CCDC181: variants seen among roughly 807,000 people sequenced by gnomAD.
The protein encoded by CCDC181 is coiled-coil domain containing 181.
In CCDC181, 35 loss-of-function variants were observed where a neutral mutation model predicts 58.7. The observed-to-expected ratio is 0.60, with a 90% confidence interval of 0.46 to 0.79. CCDC181 has a LOEUF of 0.79. Ranked by LOEUF, CCDC181 falls within the 30% of genes least tolerant of loss-of-function variation. The probability of loss-of-function intolerance (pLI) is 0.00; values close to 1 mark genes in which losing one functional copy is unlikely to be tolerated. For missense variants in CCDC181, 517 were observed against 583.9 expected (o/e 0.89, Z 1.18); for synonymous variants, 183 against 197.5 (o/e 0.93, Z 0.62).
At chr1:169,397,173 T>G in intron 5 of CCDC181, 64 bp downstream of exon 5, 8 of 1,397,356 alleles carry the variant, frequency 5.7e-6, no homozygotes, top group South Asian at 1.7e-5. Flanking sequence ...TCTTAATTGA[T>G]GATATAACTT....
Position 169,421,719 on chromosome 1 carries a change from AC to A in CCDC181, c.711del (p.Leu239CysfsTer91), listed in dbSNP as rs866481262. On this transcript the variant is annotated frameshift_variant, in exon 3 of 6. Coordinates refer to ENST00000367806, the MANE Select transcript of CCDC181 (RefSeq NM_001300969.2). LOFTEE classifies it high-confidence loss of function. Reference protein sequence around the residue: ...LLNLQDIASQGFLPPINNANS... With the variant: ...LLNLQDIASQXFLPPINNANS... ...TTTGCATTATTAATGGGAGGCAAAA[AC>A]CCCTGACTGGCAATGTCTTGTAAAT... is the stretch of plus-strand genomic sequence containing the variant. 6.2e-7 allele frequency: 1 copy of A among 1,613,656 alleles called. No individual in the cohort carries two copies. The highest frequency in any genetic ancestry group is 1.3e-5 in the African/African-American group (1 of 74,910).
At chr1:169,404,808 A>C (rs553385612) in intron 4 of CCDC181, among the ~76,000 whole-genome samples, 29 of 152,330 alleles carry the variant, frequency 1.9e-4, no homozygotes, top group Non-Finnish European at 2.9e-4. Flanking sequence ...AGTTCTGGAC[A>C]GGGCAATCAG....
intron 1 of CCDC181, among the ~76,000 whole-genome samples, chr1:169,425,574 G>C (rs1656678705): frequency 6.6e-6 from 1 of 152,080 alleles, no homozygotes; most frequent in Non-Finnish European, 1.5e-5. Flanking sequence ...ACACTTCAGA[G>C]TGAGTTTCAC....
At chr1:169,460,462 T>C (rs1197925653) in exon 1 of CCDC181, 2 of 152,276 alleles carry the variant, frequency 1.3e-5, no homozygotes, top group African/African-American at 2.4e-5. Context: ...CAGAATCACG[T>C]AGGGGCTGCA....
intron 1 of CCDC181, among the ~76,000 whole-genome samples, chr1:169,425,586 T>C (rs1255876096): frequency 6.6e-6 from 1 of 152,116 alleles, no homozygotes; most frequent in East Asian, 1.9e-4. Flanking sequence ...GAGTTTCACT[T>C]CCTAACTGCA....
chr1:169,415,740 C>T (rs945623216), intron 4 of CCDC181, among the ~76,000 whole-genome samples: 1 of 152,124 alleles, frequency 6.6e-6, no homozygotes, highest in African/African-American at 2.4e-5. Context: ...CTCTCCATGC[C>T]AGTCCCAAGG....
At chr1:169,435,072 T>C (rs577339606) in intron 2 of CCDC181, among the ~76,000 whole-genome samples, 1 of 152,206 alleles carries the variant, frequency 6.6e-6, no homozygotes, top group African/African-American at 2.4e-5. Context: ...TAATGTACAC[T>C]TAAAAATGGT....
intron 2 of CCDC181, among the ~76,000 whole-genome samples, chr1:169,449,051 C>G (rs1657460979): frequency 6.6e-6 from 1 of 152,286 alleles, no homozygotes; most frequent in African/African-American, 2.4e-5. Context: ...CATTCCCCTT[C>G]TGTTCATGCC....
At chr1:169,454,950 G>A (rs775426361) in intron 2 of CCDC181, among the ~76,000 whole-genome samples, 1 of 151,584 alleles carries the variant, frequency 6.6e-6, no homozygotes, top group Non-Finnish European at 1.5e-5. Flanking sequence ...CAACATAGAC[G>A]GCTACTTGTT....
At chr1:169,436,128 C>T (rs961403) in intron 2 of CCDC181, among the ~76,000 whole-genome samples, 81,292 of 151,910 alleles carry the variant, frequency 0.54, 22,591 homozygotes, top group Non-Finnish European at 0.6. Flanking sequence ...TCTCATAAAC[C>T]CAGGTCTCTG....
intron 4 of CCDC181, among the ~76,000 whole-genome samples, chr1:169,414,357 G>A (rs573427786): frequency 1.1e-4 from 17 of 152,230 alleles, no homozygotes; most frequent in African/African-American, 3.8e-4. Flanking sequence ...ATAGGCAAGG[G>A]CACAATGATA....
chr1:169,429,732 G>T (rs149834588), upstream of CCDC181, among the ~76,000 whole-genome samples: 2,239 of 152,198 alleles, frequency 0.015, 59 homozygotes, highest in African/African-American at 0.051. Flanking sequence ...AGTTTGTGAA[G>T]ATTTTCTCCC....
intron 2 of CCDC181, among the ~76,000 whole-genome samples, chr1:169,440,930 C>CAAAAAAAAAAA (rs1657206102): frequency 3.4e-5 from 1 of 29,534 alleles, no homozygotes. Flanking sequence ...GCAAGACTGT[C>CAAAAAAAAAAA]TAAAAAAAAA....
chr1:169,453,330 T>C (rs886542949), intron 2 of CCDC181, among the ~76,000 whole-genome samples: 14 of 152,132 alleles, frequency 9.2e-5, no homozygotes, highest in African/African-American at 3.4e-4. Context: ...GTATGGACAC[T>C]ACAACATAAC....
Position 169,397,303 on chromosome 1 carries a change from A to G in CCDC181, c.1304T>C (p.Leu435Pro). 2 of 1,611,584 alleles carry G rather than the reference A, an allele frequency of 1.2e-6. No homozygotes were observed. The highest frequency in any genetic ancestry group is 1.7e-6 in the Non-Finnish European group (2 of 1,178,914). The change falls in exon 5 of 6, where the codon CTA becomes CCA. Residue 435 changes from leucine (L) to proline (P), a missense_variant. By Grantham distance (98) the Leu-to-Pro change is moderately conservative. Coordinates refer to ENST00000367806, the MANE Select transcript of CCDC181 (RefSeq NM_001300969.2). ...EQMKERQTEE[L>P]RKQEECLFFL... ...GAATAAACATTCCTCTTGCTTTCTT[A>G]GTTCTTCTGTCTGTCTTTCTTTCAT...
chr1:169,404,620 C>G (rs1655547188), intron 4 of CCDC181, among the ~76,000 whole-genome samples: 1 of 152,112 alleles, frequency 6.6e-6, no homozygotes, highest in South Asian at 2.1e-4. Context: ...GCCCTTTATC[C>G]TAAAAACTCT....
At chr1:169,458,175 G>GTTT (rs369111049) in intron 2 of CCDC181, among the ~76,000 whole-genome samples, 10 of 126,858 alleles carry the variant, frequency 7.9e-5, no homozygotes, top group Non-Finnish European at 6.5e-5. Flanking sequence ...AGTAATTTTT[G>GTTT]TTTTTTTTTT....
chr1:169,412,721 C>A (rs1656035325), intron 4 of CCDC181, among the ~76,000 whole-genome samples: 1 of 151,900 alleles, frequency 6.6e-6, no homozygotes, highest in Non-Finnish European at 1.5e-5. Flanking sequence ...ATAATGCCAC[C>A]CATCTACAAC....
chr1:169,445,757 G>A (rs1421570742), intron 2 of CCDC181, among the ~76,000 whole-genome samples: 2 of 151,960 alleles, frequency 1.3e-5, no homozygotes, highest in Non-Finnish European at 2.9e-5. Flanking sequence ...AAACAATCTG[G>A]GCTTAGTGCT....
Sources: gnomAD v4.1 joint callset for allele counts (sites outside exome capture counted in the v4.1 genomes callset) on GRCh38, gnomAD v4.1.1 for gene constraint, MANE v1.5 for transcripts, NCBI Gene and HGNC (gene_info 2026-07-23, HGNC 2026-07-21) for gene names.